The following GAD2 variants were observed in gnomAD, a reference collection of about 807,000 sequenced individuals.
GAD2 encodes the protein glutamate decarboxylase 2.
In GAD2, 22 loss-of-function variants were observed where a neutral mutation model predicts 80.1. The observed-to-expected ratio is 0.27, with a 90% CI of 0.20 to 0.39. The LOEUF (loss-of-function observed/expected upper bound fraction) is 0.39. Among genes scored for constraint, GAD2 ranks in the 10% least tolerant of loss-of-function variants. GAD2 has a pLI of 1.00. For missense variants in GAD2, 624 were observed against 738.4 expected (o/e 0.85, Z 1.80); for synonymous variants, 274 against 256.9 (o/e 1.07, Z -0.64).
At position 26,236,462 on chromosome 10, in the gene GAD2, G is replaced by A. The variant is rs1016965451; in HGVS notation, c.840+6685G>A. Among the ~76,000 whole-genome samples, 7 of 151,886 alleles carry A rather than the reference G, an allele frequency of 4.6e-5. No individual in the cohort carries two copies. The East Asian group carries it at 7.7e-4, about 17-fold the overall frequency. ...ATTACAGGCGCCCACCACCACACCC[G>A]GCTAAGTTCTGTATTTTTAGTAGAG... On this transcript the variant is annotated intron_variant, in intron 7 of 15. Transcript: ENST00000376261.
intron 8 of GAD2, among the ~76,000 whole-genome samples, chr10:26,252,665 T>G (rs990374401): frequency 3.3e-5 from 5 of 151,372 alleles, no homozygotes; most frequent in East Asian, 1.9e-4. Flanking sequence ...ACCCCTTCTT[T>G]TTTTTTTGAG....
chr10:26,297,214 ACCAAG>A (rs1221308346), intron 15 of GAD2, among the ~76,000 whole-genome samples: 1 of 152,208 alleles, frequency 6.6e-6, no homozygotes, highest in Non-Finnish European at 1.5e-5. Flanking sequence ...GGCATGAGCC[ACCAAG>A]CCTAGCCAAC....
In GAD2 at chr10:26,295,788, C is replaced by T. The variant is rs116392527; in HGVS notation, c.1584+2797C>T. 5.2e-3 allele frequency among the ~76,000 whole-genome samples: 788 copies of T among 152,086 alleles called. 10 individuals carry two copies. Among genetic ancestry groups the T allele is most frequent in the African/African-American group, 0.018 (747 of 41,490 alleles). ...TGCACAGAGTTCTGTTGGTCCAGGC[C>T]GATATAGACTCAAAATTTGGGGAAA... On this transcript the variant is annotated intron_variant, in intron 15 of 15. Transcript: ENST00000376261.
chr10:26,245,693 C>T (rs909140692), intron 7 of GAD2, among the ~76,000 whole-genome samples: 1 of 152,100 alleles, frequency 6.6e-6, no homozygotes, highest in African/African-American at 2.4e-5. Flanking sequence ...CTGCCTGCCT[C>T]GGCCTCCCAA....
chr10:26,249,615 C>A (rs1473848134), intron 8 of GAD2, among the ~76,000 whole-genome samples: 2 of 151,930 alleles, frequency 1.3e-5, no homozygotes, highest in Non-Finnish European at 2.9e-5. Flanking sequence ...ACTGGCAGAG[C>A]AGTAGGGGCT....
At chr10:26,234,975 C>T (rs187905844) in intron 7 of GAD2, among the ~76,000 whole-genome samples, 7 of 152,206 alleles carry the variant, frequency 4.6e-5, no homozygotes, top group Non-Finnish European at 1.0e-4. Flanking sequence ...CTGGTTCAAG[C>T]GATTCTTCTG....
At chr10:26,259,162 G>A (rs1442860346) in intron 8 of GAD2, among the ~76,000 whole-genome samples, 1 of 152,098 alleles carries the variant, frequency 6.6e-6, no homozygotes, top group Non-Finnish European at 1.5e-5. Flanking sequence ...CAATGAATAT[G>A]GGCTGAAAAA....
chr10:26,267,854 A>G (rs992538335), intron 8 of GAD2, among the ~76,000 whole-genome samples: 6 of 152,188 alleles, frequency 3.9e-5, no homozygotes, highest in African/African-American at 1.4e-4. Context: ...GAAATGTGAT[A>G]GAAGTAATTT....
intron 13 of GAD2, among the ~76,000 whole-genome samples, chr10:26,287,141 G>A (rs1845343380): frequency 1.3e-5 from 2 of 152,134 alleles, no homozygotes; most frequent in Non-Finnish European, 2.9e-5. Context: ...ATGTTTAAAT[G>A]TAAGCAGGCT....
chr10:26,252,985 G>C (rs983451148), intron 8 of GAD2, among the ~76,000 whole-genome samples: 8 of 152,084 alleles, frequency 5.3e-5, no homozygotes, highest in African/African-American at 9.7e-5. Flanking sequence ...CAGTCACAGG[G>C]GCTAACTTTG....
chr10:26,265,285 C>T (rs1269296643), intron 8 of GAD2, among the ~76,000 whole-genome samples: 1 of 151,354 alleles, frequency 6.6e-6, no homozygotes, highest in Non-Finnish European at 1.5e-5. Context: ...CTCACTGCAA[C>T]CTCCACCTCC....
chr10:26,272,625 A>G (rs1221127687), intron 10 of GAD2, among the ~76,000 whole-genome samples: 1 of 152,220 alleles, frequency 6.6e-6, no homozygotes, highest in Non-Finnish European at 1.5e-5. Flanking sequence ...GCACTTTGGG[A>G]GGCTGAGGCA....
intron 7 of GAD2, among the ~76,000 whole-genome samples, chr10:26,230,143 G>A (rs1844581282): frequency 6.6e-6 from 1 of 152,006 alleles, no homozygotes; most frequent in Admixed American, 6.6e-5. Flanking sequence ...ACTCCAGCCT[G>A]GATGAAAGAG....
At chr10:26,258,584 C>G (rs1028543000) in intron 8 of GAD2, among the ~76,000 whole-genome samples, 3 of 152,162 alleles carry the variant, frequency 2.0e-5, no homozygotes, top group African/African-American at 7.2e-5. Flanking sequence ...TCCACTGTCT[C>G]TACGAATTTT....
chr10:26,298,612 A>G (rs913964), intron 15 of GAD2, among the ~76,000 whole-genome samples: 35,908 of 152,068 alleles, frequency 0.24, 4,755 homozygotes, highest in African/African-American at 0.36. Context: ...TGCTTGGATT[A>G]CCCATGAAAA....
chr10:26,250,444 C>T (rs1236388247), intron 8 of GAD2, among the ~76,000 whole-genome samples: 1 of 152,174 alleles, frequency 6.6e-6, no homozygotes, highest in East Asian at 1.9e-4. Flanking sequence ...GGAAATGGGC[C>T]ACTGGGCAGC....
chr10:26,299,519 G>C (rs1476056855), intron 15 of GAD2, among the ~76,000 whole-genome samples: 1 of 152,126 alleles, frequency 6.6e-6, no homozygotes, highest in Non-Finnish European at 1.5e-5. Flanking sequence ...CATGATTTAA[G>C]TTTTTGCTTC....
chr10:26,266,628 C>T (rs1224396284), intron 8 of GAD2, among the ~76,000 whole-genome samples: 1 of 152,136 alleles, frequency 6.6e-6, no homozygotes, highest in Non-Finnish European at 1.5e-5. Context: ...AAACTAGAGC[C>T]ACCCCCATTC....
chr10:26,294,662 C>A (rs1443854638), intron 15 of GAD2, among the ~76,000 whole-genome samples: 3 of 152,160 alleles, frequency 2.0e-5, no homozygotes, highest in East Asian at 3.9e-4. Flanking sequence ...ATCCGTGGTG[C>A]ATGTGTCTGA....
Sources: allele counts gnomAD v4.1 joint callset (sites outside exome capture counted in the v4.1 genomes callset), GRCh38; gene constraint gnomAD v4.1.1; transcripts MANE v1.5; gene names NCBI Gene and HGNC (gene_info 2026-07-23, HGNC 2026-07-21).